IPCEF1: variants seen among roughly 807,000 people sequenced by gnomAD.
IPCEF1 encodes the protein interactor protein for cytohesin exchange factors 1.
IPCEF1 carries 31 observed loss-of-function variants against 50.9 expected under a neutral mutation model. That is an observed-to-expected ratio of 0.61 (90% CI 0.46 to 0.82). The LOEUF (loss-of-function observed/expected upper bound fraction) is 0.82. Among genes scored for constraint, IPCEF1 ranks in the 40% least tolerant of loss-of-function variants. IPCEF1 has a pLI of 0.00. For missense variants in IPCEF1, 458 were observed against 514.0 expected, an observed-to-expected ratio of 0.89 and a Z score of 1.05; for synonymous variants, 181 against 192.0, an observed-to-expected ratio of 0.94 and a Z score of 0.47.
At chr6:154,343,196 A>G (rs1400569398) in intron 1 of IPCEF1, among the ~76,000 whole-genome samples, 1 of 152,194 alleles carries the variant, frequency 6.6e-6, no homozygotes, top group African/African-American at 2.4e-5. Flanking sequence ...AGCTGGCCTA[A>G]TAAGCCTCAA....
intron 3 of IPCEF1, among the ~76,000 whole-genome samples, chr6:154,254,869 C>T (rs1185453775): frequency 1.3e-5 from 2 of 151,782 alleles, no homozygotes; most frequent in African/African-American, 2.4e-5. Context: ...TTTTATTTTG[C>T]GGTTTTGGTT....
At position 154,181,736 on chromosome 6, in the gene IPCEF1, C is replaced by T. The variant is rs571179932; in HGVS notation, c.911-13623G>A. On this transcript the variant is annotated intron_variant, in intron 10 of 11. Coordinates refer to ENST00000367220, the MANE Select transcript of IPCEF1 (RefSeq NM_001130700.2). Reference sequence around the variant, plus strand: ...TCTGTCTCCACAGGGCCGCAGGGCACGAGACCTGAGAGCAGAAAATTGATA... The same window carrying T: ...TCTGTCTCCACAGGGCCGCAGGGCATGAGACCTGAGAGCAGAAAATTGATA... Among the ~76,000 whole-genome samples the T allele has an allele frequency of 7.2e-5, 11 of 152,184 alleles. No individual in the cohort carries two copies. The East Asian group carries it at 7.7e-4, about 11-fold the overall frequency.
At chr6:154,287,876 A>T (rs749778114) in intron 2 of IPCEF1, among the ~76,000 whole-genome samples, 12 of 152,268 alleles carry the variant, frequency 7.9e-5, no homozygotes, top group Non-Finnish European at 1.2e-4. Context: ...AAATATGAAT[A>T]TAAAAAGCAT....
At chr6:154,273,689 TAAG>T (rs1781955237) in intron 2 of IPCEF1, among the ~76,000 whole-genome samples, 1 of 76,464 alleles carries the variant, frequency 1.3e-5, no homozygotes, top group Non-Finnish European at 2.9e-5. Context: ...CAAATTATTT[TAAG>T]CTTTTTTCTT....
intron 1 of IPCEF1, among the ~76,000 whole-genome samples, chr6:154,338,425 A>G (rs1216216526): frequency 6.6e-6 from 1 of 152,212 alleles, no homozygotes; most frequent in Non-Finnish European, 1.5e-5. Flanking sequence ...TTCACAGCCT[A>G]GACTTTTTAC....
chr6:154,187,406 T>G (rs557267914), intron 10 of IPCEF1, among the ~76,000 whole-genome samples: 1 of 152,302 alleles, frequency 6.6e-6, no homozygotes, highest in South Asian at 2.1e-4. Context: ...TTATTTTGGC[T>G]TTCGTTTGCT....
At chr6:154,281,430 G>C (rs1034063137) in intron 2 of IPCEF1, among the ~76,000 whole-genome samples, 14 of 152,142 alleles carry the variant, frequency 9.2e-5, no homozygotes, top group Non-Finnish European at 1.9e-4. Context: ...AGGAGGTTGA[G>C]ATGGAGGATC....
At chr6:154,215,703 A>G (rs1484284514) in intron 7 of IPCEF1, among the ~76,000 whole-genome samples, 2 of 152,234 alleles carry the variant, frequency 1.3e-5, no homozygotes, top group Non-Finnish European at 2.9e-5. Flanking sequence ...AATCACCTTC[A>G]GCACATAATA....
intron 3 of IPCEF1, among the ~76,000 whole-genome samples, chr6:154,257,375 C>T (rs1186551575): frequency 1.3e-5 from 2 of 152,212 alleles, no homozygotes; most frequent in South Asian, 2.1e-4. Context: ...CAAACTACTT[C>T]CTGCTTCCAG....
intron 6 of IPCEF1, among the ~76,000 whole-genome samples, chr6:154,222,260 C>T (rs1778925429): frequency 6.6e-6 from 1 of 152,232 alleles, no homozygotes; most frequent in Non-Finnish European, 1.5e-5. Context: ...ACGGCACAGG[C>T]CAGGGTTTTT....
rs114670213 is a variant in IPCEF1, at chr6:154,261,389, C to T, written c.36+4523G>A. 2.3e-3 allele frequency among the ~76,000 whole-genome samples: 349 copies of T among 152,262 alleles called. 2 individuals are homozygous for T. The highest frequency in any genetic ancestry group is 8.2e-3 in the African/African-American group (340 of 41,538). ...TGAACCAATGTAAGCAGGCGAGTGG[C>T]ATAATCAGACTTCCATTTAAGAAAA... is the stretch of plus-strand genomic sequence containing the variant. On this transcript the variant is annotated intron_variant, in intron 3 of 11. Transcript: ENST00000367220.
chr6:154,220,021 TGTGTG>T (rs1778735634), intron 7 of IPCEF1, among the ~76,000 whole-genome samples: 1 of 151,032 alleles, frequency 6.6e-6, no homozygotes, highest in Non-Finnish European at 1.5e-5. Context: ...TGTGTGTGTG[TGTGTG>T]TGTCCATGCA....
rs537840370 is a variant in IPCEF1, at chr6:154,321,328, GTAAC to G, written c.-61-31576_-61-31573del. Among the ~76,000 whole-genome samples, 36 of 152,096 alleles carry G rather than the reference GTAAC, an allele frequency of 2.4e-4. No individual in the cohort carries two copies. The South Asian group carries it at 6.6e-3, about 28-fold the overall frequency. ...TATCTATGCTAATTTTAGAAGGTAAGTAACTATAATATTTGTATAAATAAAACCT... is the reference window on the plus strand; with the variant it reads ...TATCTATGCTAATTTTAGAAGGTAAGTATAATATTTGTATAAATAAAACCT... On this transcript the variant is annotated intron_variant, in intron 1 of 11. Coordinates refer to ENST00000367220, the MANE Select transcript of IPCEF1 (RefSeq NM_001130700.2).
At chr6:154,268,953 A>G (rs1222879276) in intron 2 of IPCEF1, among the ~76,000 whole-genome samples, 3 of 151,872 alleles carry the variant, frequency 2.0e-5, no homozygotes, top group Admixed American at 2.0e-4. Flanking sequence ...ACATCACCTT[A>G]TTTTTTATTC....
intron 11 of IPCEF1, among the ~76,000 whole-genome samples, chr6:154,166,789 T>C (rs1799471047): frequency 6.6e-6 from 1 of 152,102 alleles, no homozygotes; most frequent in African/African-American, 2.4e-5. Context: ...GACAGTAAAA[T>C]CCCAACACGC....
chr6:154,342,515 C>T (rs776121591), intron 1 of IPCEF1, among the ~76,000 whole-genome samples: 13 of 152,060 alleles, frequency 8.5e-5, no homozygotes, highest in African/African-American at 1.9e-4. Context: ...TTGACTTTTG[C>T]GACTCAAGTG....
At chr6:154,333,787 G>A (rs1181178222) in intron 1 of IPCEF1, among the ~76,000 whole-genome samples, 5 of 151,462 alleles carry the variant, frequency 3.3e-5, no homozygotes, top group Non-Finnish European at 5.9e-5. Context: ...GTGTATATGT[G>A]TATATATGTA....
At chr6:154,337,075 C>T (rs549692668) in intron 1 of IPCEF1, among the ~76,000 whole-genome samples, 2 of 152,120 alleles carry the variant, frequency 1.3e-5, no homozygotes, top group Non-Finnish European at 1.5e-5. Flanking sequence ...GATCCTCACA[C>T]ATTCTATGCA....
At chr6:154,340,576 T>C (rs1783889886) in intron 1 of IPCEF1, among the ~76,000 whole-genome samples, 1 of 150,710 alleles carries the variant, frequency 6.6e-6, no homozygotes, top group Admixed American at 6.6e-5. Context: ...TAGAGAGACA[T>C]GAGACATCAA....
Sources: allele counts gnomAD v4.1 joint callset (sites outside exome capture counted in the v4.1 genomes callset), GRCh38; gene constraint gnomAD v4.1.1; transcripts MANE v1.5; gene names NCBI Gene and HGNC (gene_info 2026-07-23, HGNC 2026-07-21).